Variants in MAN2A1 observed in about 807,000 individuals in gnomAD.
MAN2A1 encodes the protein alpha-mannosidase 2.
A neutral mutation model predicts 142.6 loss-of-function variants in MAN2A1; 76 were observed. The ratio of observed to expected loss-of-function variants is 0.53; its 90% CI spans 0.44 to 0.65. MAN2A1 has a LOEUF of 0.65. MAN2A1 is among the 30% of genes least tolerant of loss of function. MAN2A1 has a pLI of 0.00. For synonymous variants in MAN2A1, 559 were observed against 473.2 expected, an observed-to-expected ratio of 1.18 and a Z score of -2.35; for missense variants, 1,311 against 1,365.1, an observed-to-expected ratio of 0.96 and a Z score of 0.62.
In MAN2A1 at chr5:109,713,738, T is replaced by C. The variant is rs1278099302; in HGVS notation, c.354T>C (p.Phe118=). Residue 118 remains phenylalanine, a synonymous_variant, in exon 2 of 22, where the codon TTT becomes TTC. Coordinates refer to ENST00000261483, the MANE Select transcript of MAN2A1 (RefSeq NM_002372.4). ...CAGTTGACACTGCAGACTGTCTGTT[T>C]GCTTCACAAAGTGGAAGTCACAATT... ...SLSVDTADCL[F]ASQSGSHNSD... is the part of the protein sequence containing the mutation. The C allele has an allele frequency of 6.2e-7, 1 of 1,614,090 alleles. No individual in the cohort carries two copies. The highest frequency in any genetic ancestry group is 2.2e-5 in the East Asian group (1 of 44,878).
chr5:109,838,994 T>G (rs1191586996), intron 16 of MAN2A1, among the ~76,000 whole-genome samples: 3 of 152,220 alleles, frequency 2.0e-5, no homozygotes, highest in Non-Finnish European at 4.4e-5. Flanking sequence ...TTAATGATGT[T>G]CTCTTTTGTT....
intron 2 of MAN2A1, among the ~76,000 whole-genome samples, 197 bp downstream of exon 2, chr5:109,713,971 T>A (rs1582815398): frequency 1.3e-5 from 2 of 152,158 alleles, no homozygotes; most frequent in Non-Finnish European, 2.9e-5. Context: ...TCTATTTCTC[T>A]CAGTTTATCT....
chr5:109,794,833 G>A (rs1187532888), intron 12 of MAN2A1, among the ~76,000 whole-genome samples: 1 of 151,952 alleles, frequency 6.6e-6, no homozygotes, highest in Non-Finnish European at 1.5e-5. Flanking sequence ...CTTGTAAAAG[G>A]TATTTGTATG....
At chr5:109,726,020 G>T (rs746249606) in intron 3 of MAN2A1, among the ~76,000 whole-genome samples, 8 of 151,980 alleles carry the variant, frequency 5.3e-5, no homozygotes, top group Non-Finnish European at 1.2e-4. Flanking sequence ...ATAGCTATTA[G>T]CTTTTTTATG....
chr5:109,733,508 A>T (rs370160937), intron 4 of MAN2A1, among the ~76,000 whole-genome samples: 2 of 152,056 alleles, frequency 1.3e-5, no homozygotes, highest in Non-Finnish European at 2.9e-5. Context: ...TTGTCATAGA[A>T]AGCTCTTATT....
At chr5:109,713,816 T>C in intron 2 of MAN2A1, 42 bp downstream of exon 2, 1 of 1,559,868 alleles carries the variant, frequency 6.4e-7, no homozygotes, top group East Asian at 2.3e-5. Context: ...CTTTTTTTTT[T>C]TTTGTTCTTT....
chr5:109,814,421 A>G (rs1012997791), intron 12 of MAN2A1, among the ~76,000 whole-genome samples: 3 of 152,210 alleles, frequency 2.0e-5, no homozygotes, highest in Non-Finnish European at 2.9e-5. Context: ...AAATATCTAT[A>G]TATGATCATC....
intron 20 of MAN2A1, among the ~76,000 whole-genome samples, chr5:109,860,840 A>T (rs531782386): frequency 1.3e-5 from 2 of 152,214 alleles, no homozygotes; most frequent in African/African-American, 2.4e-5. Flanking sequence ...CTGAATTGAT[A>T]TATTTTTTGA....
chr5:109,845,955 C>T lies in MAN2A1; in HGVS notation c.2791C>T (p.Arg931Cys), dbSNP rs752159160. 4.3e-6 allele frequency: 7 copies of T among 1,613,172 alleles called. No individual in the cohort carries two copies. The highest frequency in any genetic ancestry group is 4.2e-6 in the Non-Finnish European group (5 of 1,179,174). ...TMAYIQDAKHRLTLLSAQSLG... is the reference protein window; with the variant it reads ...TMAYIQDAKHCLTLLSAQSLG... Reference sequence around the variant, plus strand: ...GGCCTATATCCAGGATGCCAAACATCGTTTGACACTGCTCTCTGCTCAGTC... The same window carrying T: ...GGCCTATATCCAGGATGCCAAACATTGTTTGACACTGCTCTCTGCTCAGTC... The change falls in exon 18 of 22, where the codon CGT (arginine) becomes TGT (cysteine). Residue 931 changes from arginine to cysteine, a missense_variant. Around this residue, in one of 3 missense-constraint regions of MAN2A1, gnomAD observed 890 missense variants for 920.5 expected, o/e 0.97. Coordinates refer to ENST00000261483, the MANE Select transcript of MAN2A1 (RefSeq NM_002372.4).
intron 10 of MAN2A1, 66 bp downstream of exon 10, chr5:109,784,992 C>G: frequency 8.1e-7 from 1 of 1,231,592 alleles, no homozygotes; most frequent in South Asian, 1.6e-5. Context: ...AAGATTATAT[C>G]TTTTGGTGAA....
chr5:109,800,294 T>A (rs1410201882), intron 12 of MAN2A1, among the ~76,000 whole-genome samples: 1 of 152,212 alleles, frequency 6.6e-6, no homozygotes, highest in Non-Finnish European at 1.5e-5. Flanking sequence ...TATGACTCCA[T>A]GGGACTGTGT....
At chr5:109,796,519 C>T (rs1753866587) in intron 12 of MAN2A1, among the ~76,000 whole-genome samples, 1 of 152,120 alleles carries the variant, frequency 6.6e-6, no homozygotes, top group African/African-American at 2.4e-5. Flanking sequence ...AAAGGGCTTC[C>T]ACTGTGTCCA....
At chr5:109,701,322 C>T (rs1276061061) in intron 1 of MAN2A1, among the ~76,000 whole-genome samples, 4 of 152,108 alleles carry the variant, frequency 2.6e-5, no homozygotes, top group African/African-American at 9.7e-5. Context: ...GTGTAAAGTA[C>T]GGTGCTTATG....
intron 16 of MAN2A1, among the ~76,000 whole-genome samples, chr5:109,833,406 A>G (rs550603308): frequency 8.5e-5 from 13 of 152,114 alleles, no homozygotes; most frequent in South Asian, 2.1e-4. Flanking sequence ...GCGAGACTCC[A>G]TCTGCAATCC....
chr5:109,754,522 T>C (rs942265267), intron 4 of MAN2A1, among the ~76,000 whole-genome samples: 1 of 152,230 alleles, frequency 6.6e-6, no homozygotes, highest in African/African-American at 2.4e-5. Flanking sequence ...TTTACCCTTG[T>C]TATTTTTTAG....
chr5:109,833,289 A>G (rs1202953087), intron 16 of MAN2A1, among the ~76,000 whole-genome samples: 4 of 152,050 alleles, frequency 2.6e-5, no homozygotes, highest in Non-Finnish European at 5.9e-5. Flanking sequence ...AGAGGCTGCA[A>G]TCTCGGCACT....
chr5:109,792,167 C>T (rs940261815), intron 12 of MAN2A1, among the ~76,000 whole-genome samples: 6 of 152,086 alleles, frequency 3.9e-5, no homozygotes, highest in African/African-American at 1.4e-4. Flanking sequence ...TTAAGTTCCT[C>T]TGATTTTCTC....
chr5:109,860,769 G>T (rs1378491022), intron 20 of MAN2A1, among the ~76,000 whole-genome samples: 1 of 152,136 alleles, frequency 6.6e-6, no homozygotes, highest in Non-Finnish European at 1.5e-5. Flanking sequence ...TTGAAGTGGG[G>T]TGAATGGATA....
intron 1 of MAN2A1, among the ~76,000 whole-genome samples, chr5:109,697,137 A>T (rs1485650673): frequency 6.6e-6 from 1 of 152,236 alleles, no homozygotes; most frequent in Non-Finnish European, 1.5e-5. Context: ...GCATAGGAAG[A>T]TAAGATATAT....
Sources: allele counts gnomAD v4.1 joint callset (sites outside exome capture counted in the v4.1 genomes callset), GRCh38; gene constraint gnomAD v4.1.1; regional missense constraint gnomAD v4.1.1; transcripts MANE v1.5; gene names NCBI Gene and HGNC (gene_info 2026-07-23, HGNC 2026-07-21).